The following NR4A1 variants were observed in gnomAD, a reference collection of about 807,000 sequenced individuals.
NR4A1 encodes nuclear receptor subfamily 4immunitygroup A member 1.
Under a neutral mutation model 47.5 loss-of-function variants are expected in NR4A1, and 24 were observed. The observed-to-expected ratio is 0.50, with a 90% CI of 0.37 to 0.71. The LOEUF (loss-of-function observed/expected upper bound fraction) is 0.71, where lower values mean the gene tolerates loss of function less well. Ranked by LOEUF, NR4A1 falls within the 30% of genes least tolerant of loss-of-function variation. The pLI, the probability that NR4A1 is intolerant of heterozygous loss-of-function variation, is 0.00. For missense variants in NR4A1, 669 were observed against 788.6 expected (o/e 0.85, Z 1.82); for synonymous variants, 353 against 345.7 (o/e 1.02, Z -0.24).
chr12:52,044,036 T>C (rs1938537031), intron 2 of NR4A1: 2 of 712,606 alleles, frequency 2.8e-6, no homozygotes, highest in Admixed American at 5.2e-5. Context: ...GGCCGACAAC[T>C]GGAGGCATGA....
In NR4A1 at chr12:52,057,436, G is replaced by A; in HGVS notation, c.1446G>A (p.Trp482Ter). Residue 482 changes from tryptophan to a stop codon, truncating the protein, a stop_gained, in exon 6 of 7, where the codon TGG (tryptophan) becomes TGA (stop). Coordinates refer to ENST00000394825, the MANE Select transcript of NR4A1 (RefSeq NM_173157.3). LOFTEE classifies it high-confidence loss of function. The part of the protein sequence containing the change: ...RLQCARGFGD[W>*]IDSILAFSRS... Reference sequence around the variant, plus strand: ...AGTGTGCCCGTGGCTTCGGGGACTGGATTGACAGTATCCTGGCCTTCTCAA... The same window carrying A: ...AGTGTGCCCGTGGCTTCGGGGACTGAATTGACAGTATCCTGGCCTTCTCAA... 1 of 1,614,272 alleles carries A rather than the reference G, an allele frequency of 6.2e-7. No homozygotes were observed. The highest frequency in any genetic ancestry group is 8.5e-7 in the Non-Finnish European group (1 of 1,180,054).
At chr12:52,023,593 G>A (rs1193361600) in intron 1 of NR4A1, among the ~76,000 whole-genome samples, 1 of 142,204 alleles carries the variant, frequency 7.0e-6, no homozygotes, top group Non-Finnish European at 1.5e-5. Flanking sequence ...GCTCCCAGCC[G>A]CAGACACGGG....
intron 1 of NR4A1, chr12:52,037,248 G>C (rs1162026900): frequency 2.2e-6 from 1 of 457,830 alleles, no homozygotes; most frequent in East Asian, 1.6e-4. Flanking sequence ...GGGGGGCGCT[G>C]AGCGGCTGCG....
intron 1 of NR4A1, chr12:52,038,750 G>A: frequency 1.3e-6 from 1 of 764,770 alleles, no homozygotes; most frequent in Admixed American, 1.7e-5. Context: ...CTAATTGAAG[G>A]TAACTGGGCA....
chr12:52,058,092 G>C (rs1939368189), intron 6 of NR4A1, among the ~76,000 whole-genome samples: 1 of 152,160 alleles, frequency 6.6e-6, no homozygotes, highest in South Asian at 2.1e-4. Context: ...CTAAAGTGCT[G>C]GGATTACAGG....
intron 1 of NR4A1, among the ~76,000 whole-genome samples, chr12:52,031,637 A>AAAAC (rs890904734): frequency 2.0e-4 from 31 of 152,096 alleles, no homozygotes; most frequent in African/African-American, 6.7e-4. Flanking sequence ...ACTCCGTCTC[A>AAAAC]AAACAAACAA....
Position 52,025,676 on chromosome 12 carries a change from A to G in NR4A1, c.-84+2737A>G, listed in dbSNP as rs921372694. ...TGTCTTTATCCCTCCCATAGAAGACACCTCCATGAAAGGCCAGGGCTTTCC... is the reference window on the plus strand; with the variant it reads ...TGTCTTTATCCCTCCCATAGAAGACGCCTCCATGAAAGGCCAGGGCTTTCC... On this transcript the variant is annotated intron_variant, in intron 1 of 7. Coordinates refer to the NR4A1 transcript ENST00000360284. Among the ~76,000 whole-genome samples, 6 of 152,148 alleles carry G rather than the reference A, an allele frequency of 3.9e-5. No individual in the cohort carries two copies. The East Asian group carries it at 1.2e-3, about 29-fold the overall frequency.
At chr12:52,049,806 G>T (rs1488879725), upstream of NR4A1, among the ~76,000 whole-genome samples, 2 of 152,196 alleles carry the variant, frequency 1.3e-5, no homozygotes, top group African/African-American at 4.8e-5. Context: ...GAAATGACAA[G>T]TTCTGTCTGG....
intron 1 of NR4A1, among the ~76,000 whole-genome samples, chr12:52,025,442 C>G (rs898240635): frequency 3.3e-5 from 5 of 152,190 alleles, no homozygotes; most frequent in African/African-American, 9.7e-5. Flanking sequence ...CGCCTTCCCA[C>G]CGGTCCTGTG....
intron 1 of NR4A1, among the ~76,000 whole-genome samples, chr12:52,032,900 G>C (rs1169038813): frequency 6.6e-6 from 1 of 152,136 alleles, no homozygotes; most frequent in Non-Finnish European, 1.5e-5. Context: ...CCCCAAACCA[G>C]CACTCTACAG....
intron 1 of NR4A1, 68 bp downstream of exon 1, chr12:52,051,636 C>G (rs1938950887): frequency 3.1e-6 from 3 of 952,620 alleles, no homozygotes; most frequent in Non-Finnish European, 3.7e-6. Flanking sequence ...GGTGTACGCG[C>G]GGGCAGAGAG....
chr12:52,036,775 C>T (rs558101776), intron 1 of NR4A1, among the ~76,000 whole-genome samples: 13 of 152,004 alleles, frequency 8.6e-5, no homozygotes, highest in African/African-American at 3.1e-4. Context: ...AGGCCAGGCC[C>T]TGTCCTCGCC....
At chr12:52,029,826 C>G (rs1328823916) in intron 1 of NR4A1, among the ~76,000 whole-genome samples, 1 of 152,226 alleles carries the variant, frequency 6.6e-6, no homozygotes, top group Non-Finnish European at 1.5e-5. Context: ...TCTCCAGGCA[C>G]TCTCCCTTGA....
intron 2 of NR4A1, among the ~76,000 whole-genome samples, chr12:52,042,854 T>G (rs1938490239): frequency 6.6e-6 from 1 of 152,214 alleles, no homozygotes; most frequent in Non-Finnish European, 1.5e-5. Flanking sequence ...ACAGGGGTCA[T>G]GAGATTCCCT....
chr12:52,036,012 A>C (rs1938228229), intron 1 of NR4A1, among the ~76,000 whole-genome samples: 1 of 152,204 alleles, frequency 6.6e-6, no homozygotes, highest in Admixed American at 6.5e-5. Context: ...ACAGCAGAGC[A>C]CATGACTGGA....
intron 1 of NR4A1, among the ~76,000 whole-genome samples, chr12:52,026,240 C>T (rs1379299373): frequency 6.6e-6 from 1 of 152,144 alleles, no homozygotes; most frequent in Admixed American, 6.5e-5. Context: ...AATTTATGCA[C>T]GCCTTTATTG....
chr12:52,030,248 A>G (rs1938092050), intron 1 of NR4A1, among the ~76,000 whole-genome samples: 1 of 152,100 alleles, frequency 6.6e-6, no homozygotes, highest in Non-Finnish European at 1.5e-5. Context: ...GCTCTGCAGC[A>G]AGCCATGAAA....
In NR4A1 at chr12:52,054,418, C is replaced by T; in HGVS notation, c.90C>T (p.Phe30=). ...CAAGCGACCCCCTGACCCCTGAGTT[C>T]ATCAAGCCCACCATGGACCTGGCCA... is the stretch of plus-strand genomic sequence containing the variant. ...HLASDPLTPE[F]IKPTMDLASP... Residue 30 remains phenylalanine (F), a synonymous_variant, in exon 2 of 7, where the codon TTC becomes TTT. Transcript: ENST00000394825. 1 of 1,613,830 alleles carries T rather than the reference C, an allele frequency of 6.2e-7. No individual in the cohort carries two copies. The highest frequency in any genetic ancestry group is 8.5e-7 in the Non-Finnish European group (1 of 1,180,004).
upstream of NR4A1, chr12:52,051,363 G>A: frequency 2.0e-6 from 2 of 985,130 alleles, no homozygotes; most frequent in Non-Finnish European, 2.4e-6. Context: ...AAGCTCGACG[G>A]GCGGCCTGCG....
Sources: gnomAD v4.1 joint callset for allele counts (sites outside exome capture counted in the v4.1 genomes callset) on GRCh38, gnomAD v4.1.1 for gene constraint, MANE v1.5 for transcripts, NCBI Gene and HGNC (gene_info 2026-07-23, HGNC 2026-07-21) for gene names.